The following MAML2 variants were observed in gnomAD, a reference collection of about 807,000 sequenced individuals.
MAML2 encodes mastermind like transcriptional coactivator 2, also known as mastermind-like protein 2.
A neutral mutation model predicts 96.1 loss-of-function variants in MAML2; 22 were observed. That is an observed-to-expected ratio of 0.23 (90% confidence interval 0.16 to 0.33). MAML2 has a LOEUF of 0.33. Ranked by LOEUF, MAML2 falls within the 10% of genes least tolerant of loss-of-function variation. The pLI, the probability that MAML2 is intolerant of heterozygous loss-of-function variation, is 1.00. For synonymous variants in MAML2, 561 were observed against 521.3 expected, an observed-to-expected ratio of 1.08 and a Z score of -1.04; for missense variants, 1,367 against 1,392.4, an observed-to-expected ratio of 0.98 and a Z score of 0.29.
At chr11:96,106,256 A>G (rs1003098142) in intron 1 of MAML2, among the ~76,000 whole-genome samples, 1 of 152,204 alleles carries the variant, frequency 6.6e-6, no homozygotes, top group African/African-American at 2.4e-5. Context: ...AGAAAAAAAT[A>G]CCACCTCACC....
chr11:96,298,370 T>C (rs1449717307), intron 1 of MAML2, among the ~76,000 whole-genome samples: 1 of 152,106 alleles, frequency 6.6e-6, no homozygotes, highest in African/African-American at 2.4e-5. Context: ...TGGTAACCAG[T>C]GATGTGAATT....
intron 2 of MAML2, among the ~76,000 whole-genome samples, chr11:96,052,170 A>G (rs779073996): frequency 6.6e-6 from 1 of 152,194 alleles, no homozygotes; most frequent in Non-Finnish European, 1.5e-5. Flanking sequence ...CATTCTTTGC[A>G]TGTCTGTCAG....
At chr11:96,125,464 C>T (rs75413120) in intron 1 of MAML2, among the ~76,000 whole-genome samples, 1,850 of 152,258 alleles carry the variant, frequency 0.012, 39 homozygotes, top group African/African-American at 0.042. Context: ...ACCAGACAAA[C>T]GTCAGTTTTA....
intron 1 of MAML2, among the ~76,000 whole-genome samples, chr11:96,112,173 T>G (rs1357898794): frequency 6.6e-6 from 1 of 152,244 alleles, no homozygotes; most frequent in African/African-American, 2.4e-5. Context: ...GATAGGGCAC[T>G]CTATACATAA....
intron 1 of MAML2, among the ~76,000 whole-genome samples, chr11:96,290,901 T>C (rs1173610187): frequency 6.6e-6 from 1 of 152,196 alleles, no homozygotes; most frequent in Non-Finnish European, 1.5e-5. Context: ...TGGGTTTTTC[T>C]GTTTCATTTT....
intron 1 of MAML2, among the ~76,000 whole-genome samples, chr11:96,187,308 AC>A (rs766654597): frequency 6.6e-6 from 1 of 152,264 alleles, no homozygotes; most frequent in Non-Finnish European, 1.5e-5. Context: ...TTAACTCATT[AC>A]CTAGATGCCA....
chr11:96,128,417 A>G (rs556484931), intron 1 of MAML2, among the ~76,000 whole-genome samples: 1 of 152,226 alleles, frequency 6.6e-6, no homozygotes, highest in South Asian at 2.1e-4. Flanking sequence ...AAATACTCCT[A>G]GTTCACACAC....
chr11:95,982,929 A>G (rs1857764793), intron 4 of MAML2, among the ~76,000 whole-genome samples: 1 of 152,182 alleles, frequency 6.6e-6, no homozygotes, highest in South Asian at 2.1e-4. Context: ...AGCTCCATTC[A>G]TGGTGAGTGC....
chr11:96,131,354 A>C (rs943100208), intron 1 of MAML2, among the ~76,000 whole-genome samples: 4 of 152,222 alleles, frequency 2.6e-5, no homozygotes, highest in Non-Finnish European at 5.9e-5. Flanking sequence ...CCCTACTTTC[A>C]ATAATGCACA....
chr11:96,201,157 T>C lies in MAML2; in HGVS notation c.514-107640A>G, dbSNP rs182415455. Among the ~76,000 whole-genome samples the C allele has an allele frequency of 1.6e-3, 247 of 152,320 alleles. 1 individual carries two copies. Among genetic ancestry groups the C allele is most frequent in the African/African-American group, 5.3e-3 (221 of 41,566 alleles). Reference sequence around the variant, plus strand: ...ATTTAGGTAGTTCCATATAACTACTTACCATAATTACTTGAACCTACTTGA... The same window carrying C: ...ATTTAGGTAGTTCCATATAACTACTCACCATAATTACTTGAACCTACTTGA... On this transcript the variant is annotated intron_variant, in intron 1 of 4. Coordinates refer to ENST00000524717, the MANE Select transcript of MAML2 (RefSeq NM_032427.4).
At chr11:96,131,595 A>G (rs137867240) in intron 1 of MAML2, among the ~76,000 whole-genome samples, 2 of 152,372 alleles carry the variant, frequency 1.3e-5, no homozygotes, top group African/African-American at 4.8e-5. Flanking sequence ...TTCAGAAAGT[A>G]TATTAGTAGT....
intron 1 of MAML2, among the ~76,000 whole-genome samples, chr11:96,196,879 CTTTT>C (rs35624218): frequency 1.2e-4 from 15 of 128,988 alleles, no homozygotes; most frequent in African/African-American, 4.4e-4. Context: ...CCACCCTCGG[CTTTT>C]TTTTTTTTTT....
intron 1 of MAML2, among the ~76,000 whole-genome samples, chr11:96,234,316 T>C (rs940642225): frequency 4.6e-5 from 7 of 152,056 alleles, no homozygotes; most frequent in Non-Finnish European, 7.4e-5. Flanking sequence ...ACCATGTCTC[T>C]ACTAAAAATA....
chr11:96,061,047 A>G (rs1022463112), intron 2 of MAML2, among the ~76,000 whole-genome samples: 2 of 152,196 alleles, frequency 1.3e-5, no homozygotes, highest in African/African-American at 4.8e-5. Context: ...TGAAATATAA[A>G]CAGACACATA....
At chr11:96,125,203 C>T (rs947549802) in intron 1 of MAML2, among the ~76,000 whole-genome samples, 2 of 152,048 alleles carry the variant, frequency 1.3e-5, no homozygotes, top group African/African-American at 4.8e-5. Context: ...GGCAGAGAAG[C>T]AAATAAACTG....
intron 1 of MAML2, among the ~76,000 whole-genome samples, chr11:96,281,166 T>C (rs1212290903): frequency 6.6e-6 from 1 of 152,196 alleles, no homozygotes; most frequent in Non-Finnish European, 1.5e-5. Flanking sequence ...AAAGTGTATG[T>C]ATGGGGGTAA....
chr11:96,307,484 T>C lies in MAML2; in HGVS notation c.513+33899A>G, dbSNP rs370185899. 1.6e-4 allele frequency among the ~76,000 whole-genome samples: 25 copies of C among 152,286 alleles called. No homozygotes were observed. In the East Asian group the frequency reaches 3.1e-3, roughly 19 times the overall value. On this transcript the variant is annotated intron_variant, in intron 1 of 4. Coordinates refer to ENST00000524717, the MANE Select transcript of MAML2 (RefSeq NM_032427.4). ...CAGTGGCTCTGGCTCACTCACAATC[T>C]TCATACAAAACTCCCATTCACATCT... is the stretch of plus-strand genomic sequence containing the variant.
rs902366723 is a variant in MAML2, at chr11:95,978,710, A to G, written c.*238T>C. On this transcript the variant is annotated 3_prime_UTR_variant, in exon 5 of 5. Coordinates refer to ENST00000524717, the MANE Select transcript of MAML2 (RefSeq NM_032427.4). Reference sequence around the variant, plus strand: ...ACAGTTCTGTTTGGATAAATTGGATACTGTATCCTGGAGTTTAGACAGGGA... The same window carrying G: ...ACAGTTCTGTTTGGATAAATTGGATGCTGTATCCTGGAGTTTAGACAGGGA... The G allele has an allele frequency of 2.1e-6, 1 of 483,362 alleles. No individual in the cohort carries two copies. The highest frequency in any genetic ancestry group is 3.6e-6 in the Non-Finnish European group (1 of 274,926). The allele number at this position is 483,362 out of a possible 1,614,324, so 29.9% of individuals were successfully genotyped here. A position where few individuals can be genotyped will look rare whatever the true frequency, so the allele number is the denominator to read the frequency against.
chr11:95,997,802 C>A (rs1179505426), intron 2 of MAML2, among the ~76,000 whole-genome samples: 3 of 152,148 alleles, frequency 2.0e-5, no homozygotes, highest in African/African-American at 7.2e-5. Context: ...AAGGCTTTGG[C>A]CTTGTCATTA....
Sources: allele counts gnomAD v4.1 joint callset (sites outside exome capture counted in the v4.1 genomes callset), GRCh38; gene constraint gnomAD v4.1.1; transcripts MANE v1.5; gene names NCBI Gene and HGNC (gene_info 2026-07-23, HGNC 2026-07-21).